Variants in ARHGAP28 observed in about 807,000 individuals in gnomAD.
The protein encoded by ARHGAP28 is Rho GTPase activating protein 28, also known as rho GTPase-activating protein 28.
Under a neutral mutation model 90.7 loss-of-function variants are expected in ARHGAP28, and 56 were observed. That is an observed-to-expected ratio of 0.62 (90% CI 0.50 to 0.77). The LOEUF (loss-of-function observed/expected upper bound fraction) is 0.77. ARHGAP28 is among the 30% of genes least tolerant of loss of function. ARHGAP28 has a pLI of 0.00. For synonymous variants in ARHGAP28, 308 were observed against 323.3 expected (o/e 0.95, Z 0.51); for missense variants, 869 against 900.9 (o/e 0.96, Z 0.45).
At chr18:6,856,624 C>T (rs2056956260) in intron 4 of ARHGAP28, among the ~76,000 whole-genome samples, 1 of 151,796 alleles carries the variant, frequency 6.6e-6, no homozygotes, top group Non-Finnish European at 1.5e-5. Context: ...ATCCTCCCTC[C>T]TCAGCCTCTC....
At chr18:6,762,586 C>T (rs1389246985) in intron 1 of ARHGAP28, among the ~76,000 whole-genome samples, 2 of 152,044 alleles carry the variant, frequency 1.3e-5, no homozygotes, top group Non-Finnish European at 2.9e-5. Flanking sequence ...ATGTTGAAGT[C>T]TAATCCCCAG....
At position 6,855,311 on chromosome 18, in the gene ARHGAP28, C is replaced by T. The variant is rs144373104; in HGVS notation, c.636+4185C>T. 6.4e-3 allele frequency among the ~76,000 whole-genome samples: 968 copies of T among 152,224 alleles called. 5 individuals carry two copies. Among genetic ancestry groups the T allele is most frequent in the Middle Eastern group, 0.014 (4 of 294 alleles). On this transcript the variant is annotated intron_variant, in intron 4 of 17. Coordinates refer to ENST00000383472, the MANE Select transcript of ARHGAP28 (RefSeq NM_001366230.1). ...TGCTTTTTCCAGGCCCGCCCATGGC[C>T]GCTCATGGACCAATCAGCATGCACT...
At chr18:6,837,605 C>T (rs1044799542) in intron 3 of ARHGAP28, among the ~76,000 whole-genome samples, 191 bp downstream of exon 3, 2 of 152,154 alleles carry the variant, frequency 1.3e-5, no homozygotes, top group Non-Finnish European at 2.9e-5. Flanking sequence ...TTTCTTATCT[C>T]CTGTACTGCA....
chr18:6,860,481 T>C (rs1333829029), intron 5 of ARHGAP28, among the ~76,000 whole-genome samples: 2 of 152,192 alleles, frequency 1.3e-5, no homozygotes, highest in Admixed American at 6.5e-5. Flanking sequence ...GCAGGAGCTC[T>C]GCAGGGAGGA....
intron 1 of ARHGAP28, among the ~76,000 whole-genome samples, chr18:6,738,535 C>T (rs2055947850): frequency 6.6e-6 from 1 of 152,116 alleles, no homozygotes; most frequent in South Asian, 2.1e-4. Context: ...TATACAAAGG[C>T]CCATCAATTA....
At chr18:6,874,195 G>A (rs556744347) in intron 9 of ARHGAP28, among the ~76,000 whole-genome samples, 1 of 152,290 alleles carries the variant, frequency 6.6e-6, no homozygotes, top group South Asian at 2.1e-4. Context: ...TATTTGCTGA[G>A]ATATAGCATA....
intron 16 of ARHGAP28, among the ~76,000 whole-genome samples, chr18:6,902,036 T>A (rs2057341079): frequency 6.6e-6 from 1 of 152,178 alleles, no homozygotes; most frequent in South Asian, 2.1e-4. Flanking sequence ...AAATCCAGGA[T>A]GATTTAATCT....
rs558366493 is a variant in ARHGAP28 at position 6,870,831 on chromosome 18, G to A, written c.954+99G>A. The A allele has an allele frequency of 1.2e-4, 161 of 1,291,622 alleles. 1 individual carries two copies. In the East Asian group the frequency reaches 1.4e-3, roughly 11 times the overall value. The allele number at this position is 1,291,622 out of a possible 1,614,324, so 80.0% of individuals were successfully genotyped here. The stretch of plus-strand genomic sequence containing the variant: ...TTTTTTTTTTTTGAGACGGAGTCTC[G>A]CTCTATTGCCCCAGGCTGGAGTGCA... On this transcript the variant is annotated intron_variant, in intron 7 of 17. Coordinates refer to ENST00000383472, the MANE Select transcript of ARHGAP28 (RefSeq NM_001366230.1).
At chr18:6,773,000 T>C (rs4621056) in intron 1 of ARHGAP28, among the ~76,000 whole-genome samples, 65,779 of 152,022 alleles carry the variant, frequency 0.43, 15,442 homozygotes, top group East Asian at 0.85. Context: ...CTCAGCCTCC[T>C]AAAGTGCTGG....
At chr18:6,868,754 G>T (rs897858841) in intron 6 of ARHGAP28, among the ~76,000 whole-genome samples, 3 of 152,024 alleles carry the variant, frequency 2.0e-5, no homozygotes, top group Non-Finnish European at 2.9e-5. Context: ...TGATTTCTCA[G>T]TTTTTCCCAA....
At chr18:6,910,931 G>T (rs1213077630) in intron 17 of ARHGAP28, among the ~76,000 whole-genome samples, 1 of 151,254 alleles carries the variant, frequency 6.6e-6, no homozygotes, top group Non-Finnish European at 1.5e-5. Context: ...TGCAAGCTCC[G>T]CCTCCCGGGT....
intron 14 of ARHGAP28, among the ~76,000 whole-genome samples, chr18:6,894,581 T>G (rs74328906): frequency 6.6e-6 from 1 of 152,226 alleles, no homozygotes; most frequent in African/African-American, 2.4e-5. Flanking sequence ...TGGTGAACAG[T>G]GTGTGTCTGA....
chr18:6,742,633 A>T (rs996385087), intron 1 of ARHGAP28, among the ~76,000 whole-genome samples: 1 of 152,162 alleles, frequency 6.6e-6, no homozygotes, highest in African/African-American at 2.4e-5. Context: ...GTGGCTATAC[A>T]AGTTGGAAGC....
At chr18:6,732,553 C>A (rs1262471065) in intron 1 of ARHGAP28, among the ~76,000 whole-genome samples, 3 of 152,226 alleles carry the variant, frequency 2.0e-5, no homozygotes, top group Non-Finnish European at 2.9e-5. Context: ...TGCCTGCCAT[C>A]CCTAGCTGAA....
intron 10 of ARHGAP28, among the ~76,000 whole-genome samples, chr18:6,879,354 C>T (rs2889535): frequency 0.2 from 30,618 of 152,112 alleles, 3,979 homozygotes; most frequent in Non-Finnish European, 0.29. Context: ...TTAGGCTGGT[C>T]ATTTGCATTT....
At chr18:6,803,439 G>T (rs981285243) in intron 1 of ARHGAP28, among the ~76,000 whole-genome samples, 1 of 152,008 alleles carries the variant, frequency 6.6e-6, no homozygotes, top group African/African-American at 2.4e-5. Flanking sequence ...ACTCCATTTG[G>T]TTATGATGCA....
rs193197142 is a variant in ARHGAP28, at chr18:6,889,435, G to A, written c.1537-453G>A. On this transcript the variant is annotated intron_variant, in intron 12 of 17. Transcript: ENST00000383472. Reference sequence around the variant, plus strand: ...AATGAGATACTTATGTTGTTTAAATGAATTTTCCTTTCCCTAGGAAATTGT... The same window carrying A: ...AATGAGATACTTATGTTGTTTAAATAAATTTTCCTTTCCCTAGGAAATTGT... Among the ~76,000 whole-genome samples the A allele has an allele frequency of 2.0e-5, 3 of 152,214 alleles. No homozygotes were observed. In the East Asian group the frequency reaches 5.8e-4, roughly 29 times the overall value.
At chr18:6,837,804 G>C (rs1379571083) in intron 3 of ARHGAP28, among the ~76,000 whole-genome samples, 1 of 152,052 alleles carries the variant, frequency 6.6e-6, no homozygotes, top group African/African-American at 2.4e-5. Context: ...TTGAATGGGG[G>C]GTGGGGATGA....
chr18:6,845,913 A>C (rs1418877457), intron 3 of ARHGAP28, among the ~76,000 whole-genome samples: 2 of 152,248 alleles, frequency 1.3e-5, no homozygotes, highest in Non-Finnish European at 2.9e-5. Flanking sequence ...ATCAGAGCCC[A>C]TCTTGTCCAT....
Sources: allele counts gnomAD v4.1 joint callset (sites outside exome capture counted in the v4.1 genomes callset), GRCh38; gene constraint gnomAD v4.1.1; transcripts MANE v1.5; gene names NCBI Gene and HGNC (gene_info 2026-07-23, HGNC 2026-07-21).